The following ADK variants were observed in gnomAD, a reference collection of about 807,000 sequenced individuals.
ADK encodes the protein N6,N6-dimethyladenosine kinase.
A neutral mutation model predicts 44.7 loss-of-function variants in ADK; 24 were observed. That is an observed-to-expected ratio of 0.54 (90% CI 0.39 to 0.76). The LOEUF is 0.76. ADK is among the 30% of genes least tolerant of loss of function. ADK has a pLI of 0.00. For missense variants in ADK, 321 were observed against 425.1 expected (o/e 0.76, Z 2.15); for synonymous variants, 128 against 142.6 (o/e 0.90, Z 0.73).
intron 4 of ADK, among the ~76,000 whole-genome samples, chr10:74,376,537 G>A (rs934579989): frequency 8.6e-5 from 13 of 152,042 alleles, no homozygotes; most frequent in African/African-American, 2.7e-4. Context: ...AGTCCCAGAT[G>A]TCTTATCATT....
At chr10:74,564,959 A>C (rs969783914) in intron 7 of ADK, among the ~76,000 whole-genome samples, 1 of 152,150 alleles carries the variant, frequency 6.6e-6, no homozygotes, top group African/African-American at 2.4e-5. Context: ...TTCTTAGGAC[A>C]TGAACATCTT....
In ADK at chr10:74,410,616, G is replaced by A. The variant is rs149657442; in HGVS notation, c.555+12037G>A. ...GAATCGCTCAAACCCAGGAGGCAGA[G>A]GTTGCGGTGAGCCAAGATCGCGCCA... is the stretch of plus-strand genomic sequence containing the variant. On this transcript the variant is annotated intron_variant, in intron 6 of 10. Transcript: ENST00000539909. Among the ~76,000 whole-genome samples the A allele has an allele frequency of 9.2e-5, 14 of 152,258 alleles. No individual in the cohort carries two copies. In the East Asian group the frequency reaches 2.7e-3, roughly 29 times the overall value.
intron 6 of ADK, among the ~76,000 whole-genome samples, chr10:74,447,507 T>G (rs2133169806): frequency 6.6e-6 from 1 of 152,294 alleles, no homozygotes; most frequent in South Asian, 2.1e-4. Context: ...GCTCCTCCTA[T>G]GTTTGCTGTT....
chr10:74,218,559 A>G (rs1455203006), intron 2 of ADK, among the ~76,000 whole-genome samples: 7 of 152,216 alleles, frequency 4.6e-5, no homozygotes, highest in Admixed American at 2.0e-4. Flanking sequence ...ACCAAGACAC[A>G]TAATTGTCAG....
At chr10:74,619,013 TG>T (rs1852879875) in intron 9 of ADK, among the ~76,000 whole-genome samples, 1 of 11,806 alleles carries the variant, frequency 8.5e-5, no homozygotes, top group African/African-American at 1.2e-3. Context: ...TTATGCTCTT[TG>T]TGTGTGTGTG....
At chr10:74,367,968 TATAA>T (rs1209449755) in intron 4 of ADK, among the ~76,000 whole-genome samples, 3 of 152,190 alleles carry the variant, frequency 2.0e-5, no homozygotes, top group African/African-American at 7.2e-5. Flanking sequence ...TCAATATCTG[TATAA>T]ATAGTTAAAT....
chr10:74,266,414 T>C (rs1211649775), intron 3 of ADK, among the ~76,000 whole-genome samples: 1 of 151,866 alleles, frequency 6.6e-6, no homozygotes, highest in Non-Finnish European at 1.5e-5. Flanking sequence ...AAAATTAGCC[T>C]GGCGTGGTGG....
In ADK at chr10:74,352,665, AATCT is replaced by A. The variant is rs370380961; in HGVS notation, c.273+37924_273+37927del. Reference sequence around the variant, plus strand: ...ATACAGAATGGGAGAAAATTTTTGCAATCTATCCATCTGACAAAGGTCTAATATC... The same window carrying A: ...ATACAGAATGGGAGAAAATTTTTGCAATCCATCTGACAAAGGTCTAATATC... On this transcript the variant is annotated intron_variant, in intron 4 of 10. Transcript: ENST00000539909. Among the ~76,000 whole-genome samples the A allele has an allele frequency of 2.0e-4, 31 of 152,350 alleles. 2 individuals are homozygous for A. The highest frequency in any genetic ancestry group is 7.2e-4 in the African/African-American group (30 of 41,584).
At chr10:74,415,217 C>G (rs370980418) in intron 6 of ADK, among the ~76,000 whole-genome samples, 38 of 152,152 alleles carry the variant, frequency 2.5e-4, no homozygotes, top group African/African-American at 8.7e-4. Flanking sequence ...ACAGTAGGCA[C>G]TTATGCAGAG....
At chr10:74,282,683 T>G (rs1307431162) in intron 3 of ADK, among the ~76,000 whole-genome samples, 1 of 152,162 alleles carries the variant, frequency 6.6e-6, no homozygotes, top group African/African-American at 2.4e-5. Context: ...TTCAGAAATG[T>G]TCTTGGTTGT....
chr10:74,337,760 A>ATTT (rs71475276), intron 4 of ADK, among the ~76,000 whole-genome samples: 1 of 130,152 alleles, frequency 7.7e-6, no homozygotes, highest in African/African-American at 2.9e-5. Flanking sequence ...TCTTCGGATG[A>ATTT]TTTTTTTTTT....
At chr10:74,668,426 A>G (rs929861680) in intron 9 of ADK, among the ~76,000 whole-genome samples, 7 of 152,134 alleles carry the variant, frequency 4.6e-5, no homozygotes, top group South Asian at 2.1e-4. Flanking sequence ...CATGTTACAA[A>G]ATGTGGAAAG....
chr10:74,422,076 C>T (rs948104821), intron 6 of ADK, among the ~76,000 whole-genome samples: 2 of 152,010 alleles, frequency 1.3e-5, no homozygotes, highest in African/African-American at 2.4e-5. Flanking sequence ...TGGAAGACAG[C>T]GAAATACTGA....
chr10:74,597,792 A>G (rs1363902538), intron 8 of ADK, among the ~76,000 whole-genome samples: 3 of 152,124 alleles, frequency 2.0e-5, no homozygotes, highest in Admixed American at 1.3e-4. Flanking sequence ...TGTAATTCCC[A>G]TTGTATTTAA....
chr10:74,310,404 T>A (rs560652459), intron 3 of ADK, among the ~76,000 whole-genome samples: 1 of 152,190 alleles, frequency 6.6e-6, no homozygotes, highest in Admixed American at 6.5e-5. Context: ...TTCCTTCTTA[T>A]GAGTTTTCTT....
chr10:74,161,322 C>G (rs531740195), intron 1 of ADK, among the ~76,000 whole-genome samples: 3 of 152,268 alleles, frequency 2.0e-5, no homozygotes, highest in African/African-American at 7.2e-5. Context: ...CTGCCTCAGC[C>G]TCCCGAGTAG....
intron 2 of ADK, among the ~76,000 whole-genome samples, chr10:74,216,653 A>G (rs1844039609): frequency 6.6e-6 from 1 of 150,748 alleles, no homozygotes; most frequent in African/African-American, 2.4e-5. Context: ...TGAACCCAGC[A>G]GGCAGAGGTT....
At chr10:74,230,008 C>G (rs184678855) in intron 3 of ADK, among the ~76,000 whole-genome samples, 1 of 150,882 alleles carries the variant, frequency 6.6e-6, no homozygotes, top group Non-Finnish European at 1.5e-5. Flanking sequence ...CCACTGTGCT[C>G]CAGCCTGGGT....
chr10:74,326,431 CAAA>C (rs34807188), intron 4 of ADK, among the ~76,000 whole-genome samples: 81 of 129,848 alleles, frequency 6.2e-4, no homozygotes, highest in African/African-American at 1.1e-3. Context: ...CTTGTTTCTA[CAAA>C]AAAAAAAAAA....
Sources: gnomAD v4.1 joint callset for allele counts (sites outside exome capture counted in the v4.1 genomes callset) on GRCh38, gnomAD v4.1.1 for gene constraint, MANE v1.5 for transcripts, NCBI Gene and HGNC (gene_info 2026-07-23, HGNC 2026-07-21) for gene names.